Variants in CTNNA2 observed in about 807,000 individuals in gnomAD.
CTNNA2 encodes catenin alpha 2.
A neutral mutation model predicts 101.0 loss-of-function variants in CTNNA2; 42 were observed. The observed-to-expected ratio is 0.42, with a 90% CI of 0.32 to 0.54. The LOEUF is 0.54. Among genes scored for constraint, CTNNA2 ranks in the 20% least tolerant of loss-of-function variants. The pLI is 0.14. For missense variants in CTNNA2, 871 were observed against 1,223.1 expected, an observed-to-expected ratio of 0.71 and a Z score of 4.29; for synonymous variants, 450 against 456.4, an observed-to-expected ratio of 0.99 and a Z score of 0.18.
At chr2:79,659,751 T>G (rs1331621893) in intron 2 of CTNNA2, among the ~76,000 whole-genome samples, 1 of 152,116 alleles carries the variant, frequency 6.6e-6, no homozygotes, top group African/African-American at 2.4e-5. Flanking sequence ...AATCCCAACA[T>G]TTTGGGAGGC....
chr2:79,630,846 CG>C (rs1479426245), intron 1 of CTNNA2, among the ~76,000 whole-genome samples: 1 of 150,238 alleles, frequency 6.7e-6, no homozygotes, highest in African/African-American at 2.5e-5. Context: ...CCAACACAGA[CG>C]TTTTTTGGAA....
At chr2:79,438,885 C>CT (rs1678747473) in intron 4 of CTNNA2, among the ~76,000 whole-genome samples, 1 of 152,124 alleles carries the variant, frequency 6.6e-6, no homozygotes, top group East Asian at 1.9e-4. Context: ...TTCACATGCA[C>CT]TGGGGATGAC....
At chr2:79,955,043 A>G (rs1306197748) in intron 7 of CTNNA2, among the ~76,000 whole-genome samples, 1 of 152,232 alleles carries the variant, frequency 6.6e-6, no homozygotes, top group Non-Finnish European at 1.5e-5. Context: ...TTTCTTGGAC[A>G]TCATTTCAAA....
intron 1 of CTNNA2, among the ~76,000 whole-genome samples, chr2:79,614,294 T>C (rs931547660): frequency 4.6e-5 from 7 of 152,126 alleles, no homozygotes; most frequent in African/African-American, 1.7e-4. Flanking sequence ...CTCAGAGGTA[T>C]TTTTGTGTTT....
intron 1 of CTNNA2, among the ~76,000 whole-genome samples, chr2:79,185,813 T>G (rs2104148648): frequency 6.6e-6 from 1 of 152,296 alleles, no homozygotes; most frequent in African/African-American, 2.4e-5. Flanking sequence ...AGTTTCTTTT[T>G]TCTGATTTGG....
chr2:79,467,863 G>A (rs1670956453), intron 4 of CTNNA2, among the ~76,000 whole-genome samples: 1 of 152,102 alleles, frequency 6.6e-6, no homozygotes, highest in Non-Finnish European at 1.5e-5. Flanking sequence ...TGCCCTACAA[G>A]AGCTCCTGAA....
intron 7 of CTNNA2, among the ~76,000 whole-genome samples, chr2:80,095,794 G>A (rs1700108064): frequency 6.6e-6 from 1 of 151,862 alleles, no homozygotes; most frequent in African/African-American, 2.4e-5. Flanking sequence ...TTTGCATAGA[G>A]GTGTTTATAG....
intron 1 of CTNNA2, among the ~76,000 whole-genome samples, chr2:79,559,149 T>G (rs1431751474): frequency 6.6e-6 from 1 of 151,944 alleles, no homozygotes; most frequent in African/African-American, 2.4e-5. Context: ...GAGCAGTAAT[T>G]TGAGAAGCTG....
chr2:80,501,743 C>G (rs766785254), intron 9 of CTNNA2, among the ~76,000 whole-genome samples: 129 of 152,224 alleles, frequency 8.5e-4, no homozygotes, highest in Non-Finnish European at 1.7e-3. Context: ...CAAAGGTTTG[C>G]TTTTACCTGA....
intron 4 of CTNNA2, among the ~76,000 whole-genome samples, chr2:79,410,448 T>G (rs896868504): frequency 6.6e-6 from 1 of 152,026 alleles, no homozygotes; most frequent in African/African-American, 2.4e-5. Context: ...TTGTCATAGA[T>G]AGCTCTTTTT....
chr2:80,041,477 A>G (rs773859763), intron 7 of CTNNA2, among the ~76,000 whole-genome samples: 1 of 152,180 alleles, frequency 6.6e-6, no homozygotes, highest in Non-Finnish European at 1.5e-5. Context: ...AAAGCACCCA[A>G]TATAACTGCT....
chr2:79,642,980 CAA>C (rs1234648641), intron 1 of CTNNA2, among the ~76,000 whole-genome samples: 1 of 151,976 alleles, frequency 6.6e-6, no homozygotes, highest in Non-Finnish European at 1.5e-5. Flanking sequence ...ATCACAAGGT[CAA>C]GAGATTGAGA....
intron 4 of CTNNA2, among the ~76,000 whole-genome samples, chr2:79,407,350 G>T (rs2104486673): frequency 6.6e-6 from 1 of 152,094 alleles, no homozygotes; most frequent in South Asian, 2.1e-4. Flanking sequence ...CTGGTAGGTG[G>T]TAAGGTGAGG....
intron 2 of CTNNA2, among the ~76,000 whole-genome samples, chr2:79,258,597 T>G (rs1249785268): frequency 6.6e-6 from 1 of 152,086 alleles, no homozygotes; most frequent in Admixed American, 6.6e-5. Context: ...CTAAAATATC[T>G]TTGATAAAAT....
intron 1 of CTNNA2, among the ~76,000 whole-genome samples, chr2:79,637,385 G>A (rs1680146863): frequency 6.6e-6 from 1 of 152,148 alleles, no homozygotes; most frequent in African/African-American, 2.4e-5. Context: ...TTGGGAAGGA[G>A]TTAAGGGTAG....
At chr2:79,521,142 AT>A (rs1431387104) in intron 1 of CTNNA2, among the ~76,000 whole-genome samples, 7 of 28,706 alleles carry the variant, frequency 2.4e-4, no homozygotes, top group African/African-American at 9.0e-4. Flanking sequence ...ATATATATAT[AT>A]ATATATATAT....
At chr2:80,439,274 C>T (rs1682337192) in intron 9 of CTNNA2, among the ~76,000 whole-genome samples, 1 of 152,198 alleles carries the variant, frequency 6.6e-6, no homozygotes, top group Non-Finnish European at 1.5e-5. Context: ...TTATTTCTCA[C>T]TTCCCCTGCT....
At chr2:79,938,575 A>T (rs1180231619) in intron 7 of CTNNA2, among the ~76,000 whole-genome samples, 1 of 152,238 alleles carries the variant, frequency 6.6e-6, no homozygotes, top group African/African-American at 2.4e-5. Context: ...TGTTCGCATT[A>T]TGCACTTAAA....
At chr2:80,226,845 C>T (rs1228914008) in intron 7 of CTNNA2, among the ~76,000 whole-genome samples, 1 of 152,116 alleles carries the variant, frequency 6.6e-6, no homozygotes, top group Admixed American at 6.5e-5. Context: ...GGGCCCCTTC[C>T]CCTCCAGCTC....
Sources: allele counts gnomAD v4.1 joint callset (sites outside exome capture counted in the v4.1 genomes callset), GRCh38; gene constraint gnomAD v4.1.1; transcripts MANE v1.5; gene names NCBI Gene and HGNC (gene_info 2026-07-23, HGNC 2026-07-21).